The following RTTN variants were observed in gnomAD, a reference collection of about 807,000 sequenced individuals.
RTTN encodes the protein rotatin.
RTTN carries 182 observed loss-of-function variants against 269.2 expected under a neutral mutation model. That is an observed-to-expected ratio of 0.68 (90% CI 0.60 to 0.76). RTTN has a LOEUF of 0.76. Among genes scored for constraint, RTTN ranks in the 30% least tolerant of loss-of-function variants. The pLI, the probability that RTTN is intolerant of heterozygous loss-of-function variation, is 0.00. For missense variants in RTTN, 2,545 were observed against 2,608.6 expected (o/e 0.98, Z 0.53); for synonymous variants, 1,006 against 963.5 (o/e 1.04, Z -0.82).
chr18:70,201,436 G>A (rs1436092023), intron 4 of RTTN, among the ~76,000 whole-genome samples: 11 of 151,236 alleles, frequency 7.3e-5, no homozygotes, highest in East Asian at 1.9e-4. Context: ...GTGAAACCCC[G>A]TCTCTACTAA....
chr18:70,094,923 T>C (rs2058957563), intron 28 of RTTN, among the ~76,000 whole-genome samples: 1 of 152,092 alleles, frequency 6.6e-6, no homozygotes, highest in Admixed American at 6.5e-5. Flanking sequence ...CCCACTGTTA[T>C]TGTGTGGAAA....
At chr18:70,203,491 G>A (rs1388668990) in intron 3 of RTTN, among the ~76,000 whole-genome samples, 3 of 152,160 alleles carry the variant, frequency 2.0e-5, no homozygotes, top group Non-Finnish European at 4.4e-5. Context: ...ACCATGCCCA[G>A]CCCGGTGTTC....
intron 28 of RTTN, among the ~76,000 whole-genome samples, chr18:70,101,397 G>A (rs1419430722): frequency 6.6e-6 from 1 of 152,138 alleles, no homozygotes; most frequent in Non-Finnish European, 1.5e-5. Context: ...ATAGTAGTTT[G>A]TATTTCTGTG....
intron 23 of RTTN, among the ~76,000 whole-genome samples, chr18:70,132,275 G>A (rs1172670132): frequency 6.6e-6 from 1 of 152,070 alleles, no homozygotes; most frequent in East Asian, 1.9e-4. Context: ...GGGAAGATCT[G>A]AACACTATCA....
At chr18:70,198,324 T>C (rs2061862452) in intron 5 of RTTN, among the ~76,000 whole-genome samples, 1 of 152,178 alleles carries the variant, frequency 6.6e-6, no homozygotes, top group Admixed American at 6.5e-5. Flanking sequence ...CACCATTCAC[T>C]ATCTACAGGC....
At chr18:70,047,194 G>A (rs990635075) in intron 40 of RTTN, among the ~76,000 whole-genome samples, 12 of 152,296 alleles carry the variant, frequency 7.9e-5, no homozygotes, top group African/African-American at 2.6e-4. Flanking sequence ...GGAAGCTGAA[G>A]CAAATTCTTC....
chr18:70,028,831 T>C, intron 42 of RTTN, 30 bp from the exon 43 acceptor site: 1 of 1,457,026 alleles, frequency 6.9e-7, no homozygotes, highest in Non-Finnish European at 9.6e-7. Context: ...TTGAAAACTG[T>C]GAATGCAACA....
chr18:70,060,103 A>G, intron 35 of RTTN, 61 bp from the exon 36 acceptor site: 1 of 1,293,156 alleles, frequency 7.7e-7, no homozygotes, highest in Non-Finnish European at 1.0e-6. Flanking sequence ...CAATACTCAA[A>G]AGTTCTTATA....
chr18:70,204,277 A>G lies in RTTN; in HGVS notation c.220-14T>C. On this transcript the variant is annotated splice_polypyrimidine_tract_variant and intron_variant, in intron 2 of 48. Coordinates refer to ENST00000640769, the MANE Select transcript of RTTN (RefSeq NM_173630.4). ...TGCTGGGGGATACTAAAATAAGAAG[A>G]GGATGATCTTGAGAATAACTGTATC... 4 of 1,589,856 alleles carry G rather than the reference A, an allele frequency of 2.5e-6. 1 individual carries two copies. In the South Asian group the frequency reaches 4.6e-5, roughly 18 times the overall value.
chr18:70,011,171 T>C (rs768335774), intron 46 of RTTN, among the ~76,000 whole-genome samples: 1 of 152,186 alleles, frequency 6.6e-6, no homozygotes, highest in Non-Finnish European at 1.5e-5. Flanking sequence ...AAAGTGGAGC[T>C]GGTACCATTC....
At chr18:70,115,962 T>TC (rs2059593797) in intron 26 of RTTN, among the ~76,000 whole-genome samples, 1 of 152,040 alleles carries the variant, frequency 6.6e-6, no homozygotes, top group African/African-American at 2.4e-5. Flanking sequence ...TTTTACAGTA[T>TC]TTTAACATCT....
In RTTN at chr18:70,017,645, TAG is replaced by T; in HGVS notation, c.6181_6182del (p.Leu2061SerfsTer8). The T allele has an allele frequency of 6.2e-7, 1 of 1,613,034 alleles. No homozygotes were observed. On this transcript the variant is annotated frameshift_variant, in exon 46 of 49. Coordinates refer to ENST00000640769, the MANE Select transcript of RTTN (RefSeq NM_173630.4). LOFTEE classifies it high-confidence loss of function. ...KSNFLQNFLS[L>X]ALPKGGNKHL... is the part of the protein sequence containing the mutation. The stretch of plus-strand genomic sequence containing the variant: ...GTTTATTTCCTCCTTTTGGCAATGC[TAG>T]AGAGAGGAAGTTCTGTAAGAAGTTA...
At chr18:70,066,602 T>C (rs969710759) in intron 34 of RTTN, among the ~76,000 whole-genome samples, 5 of 152,128 alleles carry the variant, frequency 3.3e-5, no homozygotes, top group Admixed American at 2.6e-4. Flanking sequence ...TGTGGTGAGG[T>C]CAGATAACTC....
rs770281352 is a variant in RTTN at position 70,075,451 on chromosome 18, G to A, written c.4465C>T (p.His1489Tyr). The change falls in exon 33 of 49, where the codon CAT becomes TAT. Residue 1489 changes from histidine (H) to tyrosine (Y), a missense_variant. Transcript: ENST00000640769. ...CAATGCTTTACCATCTGATTCAAAT[G>A]TTCATAAAAATGGCAGTGATATAAA... is the stretch of plus-strand genomic sequence containing the variant. ...ALLYHCHFYE[H>Y]LNQMVKHCYL... 3.2e-5 allele frequency: 52 copies of A among 1,608,756 alleles called. 1 individual carries two copies. The South Asian group carries it at 5.6e-4, about 17-fold the overall frequency.
intron 14 of RTTN, 99 bp downstream of exon 14, chr18:70,165,963 A>G: frequency 8.4e-7 from 1 of 1,189,084 alleles, no homozygotes; most frequent in Non-Finnish European, 1.2e-6. Flanking sequence ...TAGTTCTTAT[A>G]TCTCATACAA....
rs1434827715 is a variant in RTTN, at chr18:70,109,437, G to A, written c.3903+61C>T. ...ATAGAGTAACGTATAATGCACTTGT[G>A]GCCTGGCATAAAGTAAAAGCAACTA... On this transcript the variant is annotated intron_variant, in intron 28 of 48. Transcript: ENST00000640769. 5.7e-6 allele frequency: 7 copies of A among 1,231,324 alleles called. No homozygotes were observed. In the African/African-American group the frequency reaches 7.4e-5, roughly 13 times the overall value. 76.3% of individuals were successfully genotyped at this position (1,231,324 alleles called of 1,614,324 possible). A position where few individuals can be genotyped will look rare whatever the true frequency, so the allele number is the denominator to read the frequency against.
intron 22 of RTTN, among the ~76,000 whole-genome samples, chr18:70,134,777 A>T (rs149822849): frequency 1.4e-3 from 211 of 152,270 alleles, no homozygotes; most frequent in Middle Eastern, 0.01. Flanking sequence ...CAGTGGTGGG[A>T]CTAGCAGGTG....
chr18:70,086,719 A>AGTTC, intron 31 of RTTN, 35 bp from the exon 32 acceptor site: 3 of 539,572 alleles, frequency 5.6e-6, no homozygotes, highest in East Asian at 6.4e-5. Flanking sequence ...AAAAAAAAAA[A>AGTTC]AAAAAAAAAA....
chr18:70,049,067 A>G (rs1289471016), intron 39 of RTTN, among the ~76,000 whole-genome samples: 3 of 152,216 alleles, frequency 2.0e-5, no homozygotes, highest in Non-Finnish European at 2.9e-5. Flanking sequence ...AAATAGTGTT[A>G]GATAAATAAG....
Sources: gnomAD v4.1 joint callset for allele counts (sites outside exome capture counted in the v4.1 genomes callset) on GRCh38, gnomAD v4.1.1 for gene constraint, MANE v1.5 for transcripts, NCBI Gene and HGNC (gene_info 2026-07-23, HGNC 2026-07-21) for gene names.